RBPMS: variants seen among roughly 807,000 people sequenced by gnomAD.
RBPMS encodes RNA-binding protein with multiple splicing.
Under a neutral mutation model 26.8 loss-of-function variants are expected in RBPMS, and 7 were observed. The ratio of observed to expected loss-of-function variants is 0.26; its 90% CI spans 0.15 to 0.49. The LOEUF (loss-of-function observed/expected upper bound fraction) is 0.49. Among genes scored for constraint, RBPMS ranks in the 20% least tolerant of loss-of-function variants. The probability of loss-of-function intolerance (pLI) is 0.98; values close to 1 mark genes in which losing one functional copy is unlikely to be tolerated. For missense variants in RBPMS, 186 were observed against 250.0 expected (o/e 0.74, Z 1.73); for synonymous variants, 96 against 93.3 (o/e 1.03, Z -0.17).
intron 1 of RBPMS, among the ~76,000 whole-genome samples, chr8:30,461,370 C>A (rs1348663596): frequency 1.3e-5 from 2 of 152,126 alleles, no homozygotes; most frequent in Non-Finnish European, 2.9e-5. Flanking sequence ...AATTTGACCT[C>A]ATTGTAGTTT....
At chr8:30,493,629 T>C (rs1376811250) in intron 4 of RBPMS, among the ~76,000 whole-genome samples, 2 of 152,174 alleles carry the variant, frequency 1.3e-5, no homozygotes, top group Non-Finnish European at 1.5e-5. Context: ...TGTAATATTA[T>C]CTATTTCAAA....
chr8:30,525,493 G>T (rs994004309), intron 5 of RBPMS, among the ~76,000 whole-genome samples: 1 of 152,142 alleles, frequency 6.6e-6, no homozygotes, highest in Non-Finnish European at 1.5e-5. Context: ...ACATGTAAAT[G>T]ATATCCTTTC....
intron 1 of RBPMS, among the ~76,000 whole-genome samples, chr8:30,469,799 A>G (rs919277380): frequency 2.0e-5 from 3 of 152,164 alleles, no homozygotes; most frequent in Non-Finnish European, 4.4e-5. Context: ...TTTTTGGGGA[A>G]CAGTTTTGTT....
At chr8:30,548,596 G>A (rs150311321) in intron 6 of RBPMS, among the ~76,000 whole-genome samples, 94 of 152,326 alleles carry the variant, frequency 6.2e-4, no homozygotes, top group African/African-American at 2.0e-3. Context: ...CAAGGCATGC[G>A]TGTCCCTTGG....
At chr8:30,418,243 T>C (rs527804367) in intron 1 of RBPMS, among the ~76,000 whole-genome samples, 121 of 152,232 alleles carry the variant, frequency 7.9e-4, no homozygotes, top group African/African-American at 2.8e-3. Flanking sequence ...ACATTTGAGA[T>C]TGTGTTTCTT....
At chr8:30,438,934 C>G (rs930468093) in intron 1 of RBPMS, among the ~76,000 whole-genome samples, 1 of 152,072 alleles carries the variant, frequency 6.6e-6, no homozygotes, top group African/African-American at 2.4e-5. Context: ...CCACCACACC[C>G]GGCTAATTTT....
intron 5 of RBPMS, chr8:30,537,817 A>G (rs1002920589): frequency 1.4e-5 from 5 of 349,874 alleles, no homozygotes; most frequent in South Asian, 4.5e-5. Flanking sequence ...TACTACTGCT[A>G]TCATCACTGT....
At chr8:30,560,171 AG>A (rs1827330531) in intron 7 of RBPMS, among the ~76,000 whole-genome samples, 2 of 152,174 alleles carry the variant, frequency 1.3e-5, no homozygotes, top group Non-Finnish European at 2.9e-5. Context: ...TATTGTGCAC[AG>A]GTAAGTTGCC....
chr8:30,512,765 T>G (rs1821855400), intron 5 of RBPMS, among the ~76,000 whole-genome samples: 1 of 152,154 alleles, frequency 6.6e-6, no homozygotes, highest in East Asian at 1.9e-4. Flanking sequence ...TTAAACAAAT[T>G]CTCACCTCAT....
chr8:30,502,167 G>A (rs1820627559), intron 4 of RBPMS, among the ~76,000 whole-genome samples: 1 of 136,384 alleles, frequency 7.3e-6, no homozygotes. Context: ...AAATAAGGAT[G>A]CTGGAACTTT....
intron 5 of RBPMS, among the ~76,000 whole-genome samples, chr8:30,528,129 C>T (rs895364502): frequency 1.3e-5 from 2 of 151,424 alleles, no homozygotes; most frequent in African/African-American, 4.9e-5. Context: ...GAGCCGAGAT[C>T]GCGCCATTGC....
intron 5 of RBPMS, among the ~76,000 whole-genome samples, chr8:30,515,198 C>T (rs1822177770): frequency 1.3e-5 from 2 of 151,978 alleles, no homozygotes. Context: ...TATCAAGCTC[C>T]TGGTGTCAAG....
intron 8 of RBPMS, among the ~76,000 whole-genome samples, chr8:30,568,304 G>A (rs1490730837): frequency 6.6e-6 from 1 of 152,130 alleles, no homozygotes; most frequent in African/African-American, 2.4e-5. Context: ...CAGGAATTAG[G>A]TCAAGGAGCT....
intron 6 of RBPMS, among the ~76,000 whole-genome samples, chr8:30,548,317 G>A (rs1316114367): frequency 6.6e-6 from 1 of 151,930 alleles, no homozygotes; most frequent in Admixed American, 6.6e-5. Flanking sequence ...TGTTGTGATG[G>A]GCAGAGAGAA....
chr8:30,568,376 C>A (rs915866871), intron 8 of RBPMS, among the ~76,000 whole-genome samples: 2 of 152,172 alleles, frequency 1.3e-5, no homozygotes, highest in African/African-American at 4.8e-5. Flanking sequence ...CGGACCGAGA[C>A]CCTGACTGGG....
At chr8:30,409,920 C>T (rs567723650) in intron 1 of RBPMS, among the ~76,000 whole-genome samples, 14 of 152,212 alleles carry the variant, frequency 9.2e-5, no homozygotes, top group South Asian at 4.1e-4. Context: ...CGTGAGCCAC[C>T]GCACCCAGCC....
intron 4 of RBPMS, among the ~76,000 whole-genome samples, chr8:30,486,143 T>C (rs947924959): frequency 2.0e-5 from 3 of 152,046 alleles, no homozygotes; most frequent in Non-Finnish European, 2.9e-5. Flanking sequence ...GGTCAGGAGT[T>C]CAAGACCAGC....
At chr8:30,484,301 C>A (rs923113311) in intron 4 of RBPMS, among the ~76,000 whole-genome samples, 1 of 152,122 alleles carries the variant, frequency 6.6e-6, no homozygotes, top group African/African-American at 2.4e-5. Context: ...GATTTGATTT[C>A]TGTAGGAATT....
intron 5 of RBPMS, among the ~76,000 whole-genome samples, chr8:30,512,388 A>G (rs192976413): frequency 3.9e-5 from 6 of 152,274 alleles, no homozygotes; most frequent in Admixed American, 1.3e-4. Context: ...TGGCCATACT[A>G]TTCTTAACAT....
Sources: allele counts gnomAD v4.1 joint callset (sites outside exome capture counted in the v4.1 genomes callset), GRCh38; gene constraint gnomAD v4.1.1; transcripts MANE v1.5; gene names NCBI Gene and HGNC (gene_info 2026-07-23, HGNC 2026-07-21).